COBL: variants seen among roughly 807,000 people sequenced by gnomAD.
COBL encodes the protein cordon-bleu WH2 repeat protein.
COBL carries 51 observed loss-of-function variants against 98.8 expected under a neutral mutation model. That is an observed-to-expected ratio of 0.52 (90% CI 0.41 to 0.65). The LOEUF is 0.65. Among genes scored for constraint, COBL ranks in the 30% least tolerant of loss-of-function variants. The pLI is 0.00. For missense variants in COBL, 1,617 were observed against 1,617.5 expected (o/e 1.00, Z 0.01); for synonymous variants, 634 against 651.7 (o/e 0.97, Z 0.41).
chr7:51,073,351 C>G, intron 7 of COBL: 1 of 698,002 alleles, frequency 1.4e-6, no homozygotes, highest in Non-Finnish European at 2.6e-6. Context: ...ATCAGAAGCG[C>G]TTGGCCTGAG....
Position 51,191,294 on chromosome 7 carries a change from A to C in COBL, c.457-216T>G, listed in dbSNP as rs190938051. ...GGTTTAGAATCTCTTGCTAGTGAAC[A>C]AGCTGCTAACAACACAGCGAAATAA... On this transcript the variant is annotated intron_variant, in intron 3 of 12. Transcript: ENST00000265136. Among the ~76,000 whole-genome samples the C allele has an allele frequency of 4.6e-5, 7 of 152,286 alleles. No homozygotes were observed. In the East Asian group the frequency reaches 1.4e-3, roughly 29 times the overall value.
At chr7:51,268,214 T>G (rs1798408725) in intron 1 of COBL, among the ~76,000 whole-genome samples, 1 of 152,210 alleles carries the variant, frequency 6.6e-6, no homozygotes, top group South Asian at 2.1e-4. Context: ...ACAAGGAATT[T>G]TATTATGAAT....
Position 51,028,719 on chromosome 7 carries a change from A to AG in COBL, c.2376dup (p.Ser793LeufsTer32). ...TGCGTCTGCGTGGGCACAGGGGTGG[A>AG]GGGGGGTCCCCTGGCAGAGCTCTCT... On this transcript the variant is annotated frameshift_variant, in exon 10 of 13. Transcript: ENST00000265136. LOFTEE classifies it high-confidence loss of function. The AG allele has an allele frequency of 1.2e-6, 2 of 1,613,878 alleles. No homozygotes were observed. Among genetic ancestry groups the AG allele is most frequent in the Non-Finnish European group, 8.5e-7 (1 of 1,179,922 alleles).
At chr7:51,026,774 T>C in intron 10 of COBL, 109 bp from the exon 11 acceptor site, 3 of 1,343,274 alleles carry the variant, frequency 2.2e-6, no homozygotes, top group Non-Finnish European at 3.1e-6. Context: ...GGCTCATGCC[T>C]GTAATCCCAT....
intron 7 of COBL, among the ~76,000 whole-genome samples, chr7:51,049,264 C>A (rs762618430): frequency 6.6e-6 from 1 of 152,100 alleles, no homozygotes; most frequent in Admixed American, 6.5e-5. Context: ...TGTTTGAGAT[C>A]AGGAATAAGG....
At chr7:51,290,374 G>A (rs962614541) in intron 1 of COBL, among the ~76,000 whole-genome samples, 1 of 152,186 alleles carries the variant, frequency 6.6e-6, no homozygotes, top group African/African-American at 2.4e-5. Flanking sequence ...CTGGCCGGGT[G>A]ATCACCAGGG....
chr7:51,098,666 C>T (rs1365511776), intron 6 of COBL, among the ~76,000 whole-genome samples: 1 of 152,020 alleles, frequency 6.6e-6, no homozygotes, highest in African/African-American at 2.4e-5. Context: ...TAGAAGAAAA[C>T]ATAGAGGGAA....
At chr7:51,211,956 G>C (rs534405378) in intron 2 of COBL, among the ~76,000 whole-genome samples, 1 of 152,226 alleles carries the variant, frequency 6.6e-6, no homozygotes, top group Non-Finnish European at 1.5e-5. Flanking sequence ...ATAAAAGACA[G>C]TAACAAAATG....
chr7:51,105,560 G>A (rs1010757750), intron 6 of COBL, among the ~76,000 whole-genome samples: 3 of 152,142 alleles, frequency 2.0e-5, no homozygotes, highest in African/African-American at 7.2e-5. Flanking sequence ...ACCAGCCTGG[G>A]CAACATAGCA....
At chr7:51,303,986 A>T (rs1352766195) in intron 1 of COBL, among the ~76,000 whole-genome samples, 1 of 152,188 alleles carries the variant, frequency 6.6e-6, no homozygotes, top group African/African-American at 2.4e-5. Flanking sequence ...GGTAAAGGGT[A>T]TCATGGAATA....
intron 2 of COBL, among the ~76,000 whole-genome samples, chr7:51,203,278 C>T (rs1280795146): frequency 6.0e-5 from 7 of 116,100 alleles, no homozygotes; most frequent in African/African-American, 1.3e-4. Flanking sequence ...CTGGCTAACA[C>T]GGTGAAACCC....
chr7:51,186,769 G>A (rs1789563287), intron 4 of COBL, among the ~76,000 whole-genome samples: 1 of 152,142 alleles, frequency 6.6e-6, no homozygotes. Flanking sequence ...GACTGATAGG[G>A]GCCTCCTATG....
At chr7:51,185,237 A>C (rs543268948) in intron 4 of COBL, among the ~76,000 whole-genome samples, 6 of 152,326 alleles carry the variant, frequency 3.9e-5, no homozygotes, top group Admixed American at 3.3e-4. Context: ...CTGGGAACTT[A>C]TGAGAGATGC....
intron 1 of COBL, among the ~76,000 whole-genome samples, chr7:51,251,728 C>A (rs180716546): frequency 6.6e-6 from 1 of 152,288 alleles, no homozygotes; most frequent in Non-Finnish European, 1.5e-5. Flanking sequence ...CAATATCTGT[C>A]AGATTGAACA....
intron 1 of COBL, among the ~76,000 whole-genome samples, chr7:51,301,047 G>C (rs1293237401): frequency 6.6e-6 from 1 of 152,146 alleles, no homozygotes; most frequent in Non-Finnish European, 1.5e-5. Context: ...CTGTTAAAAT[G>C]GGAAGAGCAC....
chr7:51,027,742 G>C lies in COBL; in HGVS notation c.3354C>G (p.His1118Gln). Residue 1118 changes from histidine (H) to glutamine (Q), a missense_variant, in exon 10 of 13, where the codon CAC becomes CAG. Transcript: ENST00000265136. Reference sequence around the variant, plus strand: ...GTAGTCTGTCCTTCCCTCCCGCAGAGTGGATGGCTTCCATCAGGGCAGAGT... The same window carrying C: ...GTAGTCTGTCCTTCCCTCCCGCAGACTGGATGGCTTCCATCAGGGCAGAGT... ...SLHSALMEAIHSAGGKDRLRK... is the reference protein window; with the variant it reads ...SLHSALMEAIQSAGGKDRLRK... The C allele has an allele frequency of 6.2e-7, 1 of 1,614,040 alleles. No individual in the cohort carries two copies. Among genetic ancestry groups the C allele is most frequent in the Non-Finnish European group, 8.5e-7 (1 of 1,179,942 alleles).
chr7:51,078,836 C>T (rs184136876), intron 7 of COBL, among the ~76,000 whole-genome samples: 1 of 152,262 alleles, frequency 6.6e-6, no homozygotes, highest in East Asian at 1.9e-4. Flanking sequence ...CAAAGGGCCT[C>T]AGCGCCTCGC....
At chr7:51,305,892 C>T (rs879628890) in intron 1 of COBL, among the ~76,000 whole-genome samples, 12 of 152,078 alleles carry the variant, frequency 7.9e-5, no homozygotes, top group Non-Finnish European at 1.6e-4. Flanking sequence ...AAAAATTGGC[C>T]AGCCGTGGTG....
chr7:51,025,081 T>C, intron 12 of COBL, 28 bp downstream of exon 12: 1 of 1,611,756 alleles, frequency 6.2e-7, no homozygotes, highest in Non-Finnish European at 8.5e-7. Flanking sequence ...CTGGCCCCAT[T>C]GAAATGCGCA....
Sources: allele counts gnomAD v4.1 joint callset (sites outside exome capture counted in the v4.1 genomes callset), GRCh38; gene constraint gnomAD v4.1.1; transcripts MANE v1.5; gene names NCBI Gene and HGNC (gene_info 2026-07-23, HGNC 2026-07-21).